The following LOXL4 variants were observed in gnomAD, a reference collection of about 807,000 sequenced individuals.
The protein encoded by LOXL4 is lysyl oxidase like 4.
A neutral mutation model predicts 89.1 loss-of-function variants in LOXL4; 72 were observed. The ratio of observed to expected loss-of-function variants is 0.81; its 90% CI spans 0.67 to 0.98. LOXL4 has a LOEUF of 0.98. Ranked by LOEUF, LOXL4 falls within the 50% of genes least tolerant of loss-of-function variation. LOXL4 has a pLI of 0.00. For synonymous variants in LOXL4, 355 were observed against 392.1 expected (o/e 0.91, Z 1.12); for missense variants, 984 against 1,017.5 (o/e 0.97, Z 0.45).
At position 98,261,181 on chromosome 10, in the gene LOXL4, G is replaced by A. The variant is rs1858530588; in HGVS notation, c.457-54C>T. On this transcript the variant is annotated intron_variant, in intron 3 of 14. Transcript: ENST00000260702. ...TCGGGGCTCCTGCTCCTCCAGTGGA[G>A]CCTGCTGCAGATCTTCATGCAGAAA... is the stretch of plus-strand genomic sequence containing the variant. The A allele has an allele frequency of 7.7e-6, 12 of 1,565,302 alleles. No homozygotes were observed. The South Asian group carries it at 1.1e-4, about 14-fold the overall frequency.
intron 10 of LOXL4, among the ~76,000 whole-genome samples, chr10:98,254,275 A>T (rs1858294214): frequency 6.6e-6 from 1 of 152,328 alleles, no homozygotes; most frequent in African/African-American, 2.4e-5. Context: ...AATCCTCTCA[A>T]AAAGCTCTGC....
At chr10:98,260,474 G>A (rs1351585086) in intron 4 of LOXL4, among the ~76,000 whole-genome samples, 1 of 141,664 alleles carries the variant, frequency 7.1e-6, no homozygotes, top group Non-Finnish European at 1.5e-5. Flanking sequence ...CACCGGGGGC[G>A]GGGGGTGGGG....
At chr10:98,251,390 AAC>A (rs1858187786) in intron 13 of LOXL4, among the ~76,000 whole-genome samples, 174 bp downstream of exon 13, 1 of 152,258 alleles carries the variant, frequency 6.6e-6, no homozygotes, top group African/African-American at 2.4e-5. Flanking sequence ...TCAATACTCA[AAC>A]ACAGGTTCAT....
In LOXL4 at chr10:98,251,082, A is replaced by G; in HGVS notation, c.2183T>C (p.Leu728Pro). The part of the protein sequence containing the change: ...RCKYDGHRVW[L>P]HNCHTGNSYP... ...GGAGTTACCTGTGTGGCAGTTGTGC[A>G]GCCAGACCCGGTGCCCATCATACTT... Residue 728 changes from leucine (L) to proline (P), a missense_variant, in exon 14 of 15, where the codon CTG becomes CCG. Physicochemically the swap from Leu to Pro is moderately conservative, Grantham distance 98 (BLOSUM62 -3). Transcript: ENST00000260702. 3.1e-6 allele frequency: 5 copies of G among 1,613,990 alleles called. No individual in the cohort carries two copies. The highest frequency in any genetic ancestry group is 4.2e-6 in the Non-Finnish European group (5 of 1,179,884).
In LOXL4 at chr10:98,248,349, G is replaced by A. The variant is rs528562339; in HGVS notation, c.*572C>T. On this transcript the variant is annotated 3_prime_UTR_variant, in exon 15 of 15. Transcript: ENST00000260702. Reference sequence around the variant, plus strand: ...GATAATAGAAACACCCATGTGTGTGGTAAGATAAAGGTAAGGACACTAAAG... The same window carrying A: ...GATAATAGAAACACCCATGTGTGTGATAAGATAAAGGTAAGGACACTAAAG... 6.5e-6 allele frequency: 1 copy of A among 153,022 alleles called. No individual in the cohort carries two copies. The highest frequency in any genetic ancestry group is 1.9e-4 in the East Asian group (1 of 5,190). 9.5% of individuals were successfully genotyped at this position (153,022 alleles called of 1,614,324 possible). A position where few individuals can be genotyped will look rare whatever the true frequency, so the allele number is the denominator to read the frequency against.
At position 98,248,994 on chromosome 10, in the gene LOXL4, G is replaced by T; in HGVS notation, c.2201-3C>A. On this transcript the variant is annotated splice_region_variant and splice_polypyrimidine_tract_variant and intron_variant, in intron 14 of 14. Coordinates refer to ENST00000260702, the MANE Select transcript of LOXL4 (RefSeq NM_032211.7). ...TGCATTGGCTGGGTATGAATTCCCT[G>T]TGGGCCAAAGGAAAACAGGTAAGTA... 2 of 1,613,484 alleles carry T rather than the reference G, an allele frequency of 1.2e-6. No homozygotes were observed. The highest frequency in any genetic ancestry group is 1.1e-5 in the South Asian group (1 of 90,816).
chr10:98,257,074 C>T, intron 8 of LOXL4, 127 bp from the exon 9 acceptor site: 2 of 1,116,494 alleles, frequency 1.8e-6, no homozygotes, highest in South Asian at 3.3e-5. Context: ...CCTTCTCTGC[C>T]TTGGTCTCCT....
In LOXL4 at chr10:98,251,091, C is replaced by T. The variant is rs369472739; in HGVS notation, c.2174G>A (p.Arg725Gln). 56 of 1,613,902 alleles carry T rather than the reference C, an allele frequency of 3.5e-5. No individual in the cohort carries two copies. The Admixed American group carries it at 4.5e-4, about 13-fold the overall frequency. Residue 725 changes from arginine to glutamine, a missense_variant, in exon 14 of 15, where the codon CGG (arginine) becomes CAG (glutamine). Coordinates refer to ENST00000260702, the MANE Select transcript of LOXL4 (RefSeq NM_032211.7). ...LQCRCKYDGHRVWLHNCHTGN... is the reference protein window; with the variant it reads ...LQCRCKYDGHQVWLHNCHTGN... Reference sequence around the variant, plus strand: ...TGTGTGGCAGTTGTGCAGCCAGACCCGGTGCCCATCATACTTGCAGCGGCA... The same window carrying T: ...TGTGTGGCAGTTGTGCAGCCAGACCTGGTGCCCATCATACTTGCAGCGGCA...
chr10:98,252,378 A>G lies in LOXL4; in HGVS notation c.1926T>C (p.Cys642=). 6.2e-7 allele frequency: 1 copy of G among 1,614,024 alleles called. No individual in the cohort carries two copies. The highest frequency in any genetic ancestry group is 1.1e-5 in the South Asian group (1 of 91,066). Residue 642 remains cysteine (C), a synonymous_variant, in exon 12 of 15, where the codon TGT becomes TGC. Transcript: ENST00000260702. ...CTGTGGGGCAGTTTGTGTCCTCCAG[A>G]CAGAAGCTGGCCTTGTGCCCCTCAG... is the stretch of plus-strand genomic sequence containing the variant. ...KVAEGHKASF[C]LEDTNCPTGL...
At chr10:98,262,717 C>T (rs1475292364) in intron 2 of LOXL4, 26 bp downstream of exon 2, 31 of 1,598,364 alleles carry the variant, frequency 1.9e-5, no homozygotes, top group Non-Finnish European at 2.6e-5. Context: ...TCCTTGCCAT[C>T]CCACTAGGTG....
Position 98,263,000 on chromosome 10 carries a change from G to A in LOXL4, c.20C>T (p.Ala7Val). 1.2e-6 allele frequency: 2 copies of A among 1,613,542 alleles called. No individual in the cohort carries two copies. The highest frequency in any genetic ancestry group is 4.5e-5 in the East Asian group (2 of 44,862). Reference protein sequence around the residue: MAWSPPATLFLFLLLLG... With the variant: MAWSPPVTLFLFLLLLG... ...CAGCAGCAGGAACAGAAAGAGGGTG[G>A]CTGGTGGGGACCACGCCATGGTGAC... The change falls in exon 2 of 15, where the codon GCC becomes GTC. Residue 7 changes from alanine to valine, a missense_variant. By Grantham distance (64) the Ala-to-Val change is moderately conservative. Coordinates refer to ENST00000260702, the MANE Select transcript of LOXL4 (RefSeq NM_032211.7).
intron 14 of LOXL4, 106 bp from the exon 15 acceptor site, chr10:98,249,097 C>T: frequency 2.4e-6 from 2 of 830,560 alleles, no homozygotes; most frequent in Middle Eastern, 2.2e-4. Context: ...TATATCAAGT[C>T]ATGGCATGGG....
intron 1 of LOXL4, among the ~76,000 whole-genome samples, chr10:98,265,106 T>C (rs1858647870): frequency 6.6e-6 from 1 of 152,198 alleles, no homozygotes; most frequent in African/African-American, 2.4e-5. Context: ...TAGGTGGCAC[T>C]CATTCATATC....
In LOXL4 at chr10:98,252,488, G is replaced by C. The variant is rs1336388698; in HGVS notation, c.1836-20C>G. On this transcript the variant is annotated intron_variant, in intron 11 of 14. Transcript: ENST00000260702. ...TAATGCCTGCAGAAGGGGTAGAGCTGTCAGTGCGGCAGCAACAGGAGAGGG... is the reference window on the plus strand; with the variant it reads ...TAATGCCTGCAGAAGGGGTAGAGCTCTCAGTGCGGCAGCAACAGGAGAGGG... 1.9e-6 allele frequency: 3 copies of C among 1,555,654 alleles called. No homozygotes were observed. Among genetic ancestry groups the C allele is most frequent in the Admixed American group, 3.4e-5 (2 of 59,672 alleles).
At position 98,262,074 on chromosome 10, in the gene LOXL4, G is replaced by A; in HGVS notation, c.417C>T (p.Gly139=). Residue 139 remains glycine (G), a synonymous_variant, in exon 3 of 15, where the codon GGC becomes GGT. Coordinates refer to ENST00000260702, the MANE Select transcript of LOXL4 (RefSeq NM_032211.7). ...CATTGGAGACAGTTTCAGAAAGGTA[G>A]CCACGATGGCGCCGGGGGTGGCATA... The part of the protein sequence containing the change: ...GVICHPRRHR[G]YLSETVSNAL... 1.2e-6 allele frequency: 2 copies of A among 1,612,140 alleles called. No homozygotes were observed. Among genetic ancestry groups the A allele is most frequent in the Non-Finnish European group, 1.7e-6 (2 of 1,179,508 alleles).
intron 9 of LOXL4, chr10:98,256,466 T>C (rs528019457): frequency 3.3e-5 from 13 of 395,202 alleles, no homozygotes; most frequent in South Asian, 2.9e-4. Context: ...CTGGCCCTGA[T>C]TTCCTCAGCT....
In LOXL4 at chr10:98,256,874, C is replaced by A; in HGVS notation, c.1334G>T (p.Arg445Leu). Residue 445 changes from arginine (R) to leucine (L), a missense_variant, in exon 9 of 15, where the codon CGC (arginine) becomes CTC (leucine). Coordinates refer to ENST00000260702, the MANE Select transcript of LOXL4 (RefSeq NM_032211.7). ...EVQVEVNGVP[R>L]WGSVCSENWG... ...GTTTTCACTGCACACGCTCCCCCAG[C>A]GTGGGACCCCGTTCACCTCCACCTG... 2 of 1,614,188 alleles carry A rather than the reference C, an allele frequency of 1.2e-6. No homozygotes were observed. The highest frequency in any genetic ancestry group is 1.7e-6 in the Non-Finnish European group (2 of 1,180,034).
chr10:98,254,761 G>A (rs977839945), intron 10 of LOXL4, among the ~76,000 whole-genome samples: 4 of 152,192 alleles, frequency 2.6e-5, no homozygotes, highest in Admixed American at 6.5e-5. Context: ...GGCTCCCCAC[G>A]TGCTGGGAGG....
rs1196120282 is a variant in LOXL4 at position 98,259,229 on chromosome 10, C to T, written c.702-1G>A. ...GTTCTTATTCGTCAGGCTCTTCAGC[C>T]TAGAGGACAAGGGAGACTGAGGGTG... On this transcript the variant is annotated splice_acceptor_variant, in intron 5 of 14. Transcript: ENST00000260702. LOFTEE classifies it high-confidence loss of function. The T allele has an allele frequency of 6.2e-7, 1 of 1,610,024 alleles. No homozygotes were observed. Among genetic ancestry groups the T allele is most frequent in the South Asian group, 1.1e-5 (1 of 90,754 alleles).
Sources: allele counts gnomAD v4.1 joint callset (sites outside exome capture counted in the v4.1 genomes callset), GRCh38; gene constraint gnomAD v4.1.1; transcripts MANE v1.5; gene names NCBI Gene and HGNC (gene_info 2026-07-23, HGNC 2026-07-21).